The following FRY variants were observed in gnomAD, a reference collection of about 807,000 sequenced individuals.
FRY encodes FRY microtubule binding protein.
FRY carries 128 observed loss-of-function variants against 348.4 expected under a neutral mutation model. The observed-to-expected ratio is 0.37, with a 90% CI of 0.32 to 0.43. The LOEUF (loss-of-function observed/expected upper bound fraction) is 0.43. Ranked by LOEUF, FRY falls within the 20% of genes least tolerant of loss-of-function variation. The probability of loss-of-function intolerance (pLI) is 1.00; values close to 1 mark genes in which losing one functional copy is unlikely to be tolerated. For synonymous variants in FRY, 1,370 were observed against 1,374.7 expected, an observed-to-expected ratio of 1.00 and a Z score of 0.08; for missense variants, 2,736 against 3,695.2, an observed-to-expected ratio of 0.74 and a Z score of 6.73.
chr13:32,168,036 G>A (rs1881844555), intron 17 of FRY, among the ~76,000 whole-genome samples: 5 of 152,166 alleles, frequency 3.3e-5, no homozygotes, highest in Admixed American at 3.3e-4. Context: ...GAAACAATAA[G>A]ATGTATATAG....
Position 32,155,680 on chromosome 13 carries a change from A to C in FRY, c.1651+18A>C, listed in dbSNP as rs769832751. The C allele has an allele frequency of 6.3e-7, 1 of 1,590,244 alleles. No homozygotes were observed. Among genetic ancestry groups the C allele is most frequent in the Non-Finnish European group, 8.6e-7 (1 of 1,161,300 alleles). On this transcript the variant is annotated intron_variant, in intron 15 of 60. Coordinates refer to ENST00000542859, the MANE Select transcript of FRY (RefSeq NM_023037.3). ...AATGATAGGTGAGTTTCAGAAGTGC[A>C]TAAGAACTAAGCCTTATTAAGCCCT...
intron 51 of FRY, among the ~76,000 whole-genome samples, chr13:32,258,660 A>G (rs1887465025): frequency 1.3e-5 from 2 of 151,940 alleles, no homozygotes; most frequent in African/African-American, 4.8e-5. Context: ...ACTATATACC[A>G]TACATACTTT....
intron 31 of FRY, among the ~76,000 whole-genome samples, chr13:32,205,202 CA>C (rs35930899): frequency 0.01 from 798 of 77,800 alleles, 1 homozygote; most frequent in African/African-American, 0.032. Context: ...GACTCTGTCT[CA>C]AAAAAAAAAA....
At chr13:32,232,043 A>G (rs575397183) in intron 41 of FRY, among the ~76,000 whole-genome samples, 14 of 152,378 alleles carry the variant, frequency 9.2e-5, no homozygotes, top group Admixed American at 7.8e-4. Flanking sequence ...TTACTAAAAA[A>G]CAAAAGATAC....
At chr13:32,068,547 C>T (rs1206470088) in intron 1 of FRY, among the ~76,000 whole-genome samples, 5 of 152,128 alleles carry the variant, frequency 3.3e-5, no homozygotes, top group Non-Finnish European at 5.9e-5. Context: ...AGATGACAGA[C>T]ATTTATAAAG....
At chr13:32,034,843 A>G (rs1477713702) in intron 1 of FRY, among the ~76,000 whole-genome samples, 1 of 152,184 alleles carries the variant, frequency 6.6e-6, no homozygotes, top group African/African-American at 2.4e-5. Context: ...GTATTTAACT[A>G]ACATGCTCCC....
rs766566021 is a variant in FRY, at chr13:32,194,160, C to T, written c.3609C>T (p.Cys1203=). ...CQDLRVHQLG[C]EVVVLLLELN... is the part of the protein sequence containing the mutation. Reference sequence around the variant, plus strand: ...GTATTCAGGTTCATCAACTTGGCTGCGAAGTTGTTGTCTTGCTACTGGAAC... The same window carrying T: ...GTATTCAGGTTCATCAACTTGGCTGTGAAGTTGTTGTCTTGCTACTGGAAC... The change falls in exon 29 of 61, where the codon TGC becomes TGT. Residue 1203 remains cysteine (C), a synonymous_variant. Coordinates refer to ENST00000542859, the MANE Select transcript of FRY (RefSeq NM_023037.3). The T allele has an allele frequency of 6.1e-5, 99 of 1,613,754 alleles. No homozygotes were observed. The highest frequency in any genetic ancestry group is 6.8e-5 in the Non-Finnish European group (80 of 1,179,802).
intron 28 of FRY, among the ~76,000 whole-genome samples, chr13:32,190,909 C>G (rs1274656415): frequency 2.6e-5 from 4 of 152,112 alleles, no homozygotes; most frequent in East Asian, 3.8e-4. Context: ...CCAATACTTA[C>G]TATAAACGTA....
At chr13:32,207,603 C>T (rs929945554) in intron 31 of FRY, among the ~76,000 whole-genome samples, 5 of 152,118 alleles carry the variant, frequency 3.3e-5, no homozygotes, top group Admixed American at 6.5e-5. Context: ...CAGTCACATA[C>T]ATCAGTCACA....
chr13:32,080,377 C>A (rs1875398267), intron 2 of FRY, among the ~76,000 whole-genome samples: 1 of 152,106 alleles, frequency 6.6e-6, no homozygotes, highest in Non-Finnish European at 1.5e-5. Context: ...TTCACAATGA[C>A]CTTAGGTAGA....
At chr13:32,278,356 A>C in intron 57 of FRY, 109 bp from the exon 58 acceptor site, 2 of 733,550 alleles carry the variant, frequency 2.7e-6, no homozygotes, top group Non-Finnish European at 5.1e-6. Context: ...GCACAATTTC[A>C]TTTTACTATT....
chr13:32,298,393 A>G lies in FRY; in HGVS notation c.*2933A>G, dbSNP rs1185782452. 3 of 152,188 alleles carry G rather than the reference A, an allele frequency of 2.0e-5. No individual in the cohort carries two copies. The highest frequency in any genetic ancestry group is 4.8e-5 in the African/African-American group (2 of 41,430). 9.4% of individuals were successfully genotyped at this position (152,188 alleles called of 1,614,324 possible). A position where few individuals can be genotyped will look rare whatever the true frequency, so the allele number is the denominator to read the frequency against. ...AACTAGTTTTTAAAGTTTTCAATGC[A>G]TTTGTTTGAGATCAATTAATATTTG... On this transcript the variant is annotated 3_prime_UTR_variant, in exon 61 of 61. Coordinates refer to ENST00000542859, the MANE Select transcript of FRY (RefSeq NM_023037.3).
At chr13:32,183,771 G>A (rs1231307302) in intron 24 of FRY, among the ~76,000 whole-genome samples, 16 of 63,154 alleles carry the variant, frequency 2.5e-4, no homozygotes, top group Admixed American at 9.0e-4. Context: ...GCAAGACTCT[G>A]TCTCCAAAAA....
chr13:32,136,013 C>A (rs973595888), intron 10 of FRY, among the ~76,000 whole-genome samples: 1 of 151,284 alleles, frequency 6.6e-6, no homozygotes, highest in Non-Finnish European at 1.5e-5. Context: ...GCAGTAGTTC[C>A]AAGTCCCTTT....
At chr13:32,119,048 A>C (rs1224157758) in intron 4 of FRY, among the ~76,000 whole-genome samples, 1 of 152,202 alleles carries the variant, frequency 6.6e-6, no homozygotes, top group Non-Finnish European at 1.5e-5. Context: ...TAGTTTTTAA[A>C]ATTGTGTTAC....
At chr13:32,165,057 G>A (rs1428702828) in intron 17 of FRY, among the ~76,000 whole-genome samples, 1 of 146,826 alleles carries the variant, frequency 6.8e-6, no homozygotes, top group South Asian at 2.2e-4. Flanking sequence ...TATACATTAT[G>A]TTAGGTAAGC....
At chr13:32,225,070 C>A in intron 38 of FRY, 34 bp downstream of exon 38, 2 of 1,202,884 alleles carry the variant, frequency 1.7e-6, no homozygotes, top group Non-Finnish European at 2.5e-6. Context: ...TCTAGCCAAT[C>A]GGGTTAAAAA....
chr13:32,119,423 T>C (rs1244911018), intron 4 of FRY, among the ~76,000 whole-genome samples: 2 of 152,208 alleles, frequency 1.3e-5, no homozygotes, highest in Non-Finnish European at 2.9e-5. Flanking sequence ...GCAATAAAGT[T>C]GAATTCATTA....
intron 2 of FRY, among the ~76,000 whole-genome samples, chr13:32,100,285 T>G (rs1270976930): frequency 1.3e-5 from 2 of 151,904 alleles, no homozygotes; most frequent in Non-Finnish European, 2.9e-5. Context: ...TTCACTGTGT[T>G]GACCAGGATG....
Sources: gnomAD v4.1 joint callset for allele counts (sites outside exome capture counted in the v4.1 genomes callset) on GRCh38, gnomAD v4.1.1 for gene constraint, MANE v1.5 for transcripts, NCBI Gene and HGNC (gene_info 2026-07-23, HGNC 2026-07-21) for gene names.